The following ETS1 variants were observed in gnomAD, a reference collection of about 807,000 sequenced individuals.
The protein encoded by ETS1 is protein C-ets-1.
A neutral mutation model predicts 58.6 loss-of-function variants in ETS1; 15 were observed. That is an observed-to-expected ratio of 0.26 (90% CI 0.17 to 0.39). The LOEUF is 0.39. ETS1 is among the 10% of genes least tolerant of loss of function. ETS1 has a pLI of 1.00. For synonymous variants in ETS1, 214 were observed against 218.2 expected, an observed-to-expected ratio of 0.98 and a Z score of 0.17; for missense variants, 417 against 610.5, an observed-to-expected ratio of 0.68 and a Z score of 3.34.
intron 2 of ETS1, among the ~76,000 whole-genome samples, chr11:128,557,493 C>G (rs1864331127): frequency 6.6e-6 from 1 of 152,062 alleles, no homozygotes; most frequent in Non-Finnish European, 1.5e-5. Flanking sequence ...GTATGTGAGG[C>G]CTGGTCTTCA....
rs71916257 is a variant in ETS1, at chr11:128,562,965, G to GAA, written c.70-6532_70-6531dup. Reference sequence around the variant, plus strand: ...CCATGCCCCAAAGTCCCCAAAAATTGAAAAAAAAAAAAAAAGAATAGGAGA... The same window carrying GAA: ...CCATGCCCCAAAGTCCCCAAAAATTGAAAAAAAAAAAAAAAAAGAATAGGAGA... On this transcript the variant is annotated intron_variant, in intron 2 of 9. Transcript: ENST00000392668. Among the ~76,000 whole-genome samples the GAA allele has an allele frequency of 1.0e-3, 109 of 107,494 alleles. 1 individual carries two copies. The highest frequency in any genetic ancestry group is 3.0e-3 in the African/African-American group (91 of 30,112). 70.5% of individuals were successfully genotyped at this position (107,494 alleles called of 152,430 possible).
At chr11:128,484,380 G>C (rs907168633) in intron 7 of ETS1, among the ~76,000 whole-genome samples, 1 of 152,112 alleles carries the variant, frequency 6.6e-6, no homozygotes, top group Non-Finnish European at 1.5e-5. Flanking sequence ...CAGGTACCCA[G>C]CTAGGATCTA....
intron 8 of ETS1, among the ~76,000 whole-genome samples, chr11:128,479,982 G>C (rs75615392): frequency 2.0e-5 from 3 of 151,746 alleles, no homozygotes; most frequent in African/African-American, 7.3e-5. Flanking sequence ...CCTTTGAAGA[G>C]AATGATACTA....
At chr11:128,467,277 A>G (rs1862064552) in intron 8 of ETS1, among the ~76,000 whole-genome samples, 1 of 152,158 alleles carries the variant, frequency 6.6e-6, no homozygotes. Flanking sequence ...TTGGAAACCC[A>G]AAGCTTAGAG....
chr11:128,566,039 T>C (rs1466786803), intron 2 of ETS1, among the ~76,000 whole-genome samples: 2 of 152,112 alleles, frequency 1.3e-5, no homozygotes, highest in Non-Finnish European at 2.9e-5. Flanking sequence ...CTGCAATTAC[T>C]CAAGATAAGA....
intron 3 of ETS1, among the ~76,000 whole-genome samples, chr11:128,509,136 A>T (rs559585763): frequency 6.6e-6 from 1 of 152,334 alleles, no homozygotes; most frequent in Non-Finnish European, 1.5e-5. Flanking sequence ...CTTTCATCAG[A>T]TCATCCATTA....
intron 2 of ETS1, among the ~76,000 whole-genome samples, chr11:128,561,777 G>T (rs904906258): frequency 6.6e-6 from 1 of 152,200 alleles, no homozygotes; most frequent in Admixed American, 6.5e-5. Flanking sequence ...TGTTGCCTTT[G>T]GTTGAGTTCA....
intron 3 of ETS1, chr11:128,522,231 G>C: frequency 8.3e-7 from 1 of 1,208,786 alleles, no homozygotes; most frequent in Non-Finnish European, 1.0e-6. Context: ...AGCCTCGCCC[G>C]CGCCGCGCCC....
rs923012834 is a variant in ETS1, at chr11:128,549,090, T to C, written c.214+7201A>G. 6.6e-6 allele frequency among the ~76,000 whole-genome samples: 1 copy of C among 152,200 alleles called. No homozygotes were observed. The highest frequency in any genetic ancestry group is 1.9e-4 in the East Asian group (1 of 5,190). On this transcript the variant is annotated intron_variant, in intron 3 of 9. Transcript: ENST00000392668. The surrounding 1 kb of genome is among the most constrained non-coding windows in gnomAD (Gnocchi z 4.3). ...GCTGCAGGCTCCGGGCTGAGACCCC[T>C]GGCTGCAGTGCAAGAAAGCAACTTA...
intron 3 of ETS1, among the ~76,000 whole-genome samples, chr11:128,508,652 C>T (rs1034824681): frequency 6.6e-6 from 1 of 152,106 alleles, no homozygotes; most frequent in East Asian, 1.9e-4. Context: ...AACTCTGTAT[C>T]GTAAGATCAT....
At chr11:128,476,472 G>A (rs1862326128) in intron 8 of ETS1, among the ~76,000 whole-genome samples, 1 of 152,250 alleles carries the variant, frequency 6.6e-6, no homozygotes, top group African/African-American at 2.4e-5. Context: ...AGCTACCTCT[G>A]TGCAGAATGC....
At chr11:128,477,104 G>A (rs560216125) in intron 8 of ETS1, among the ~76,000 whole-genome samples, 6 of 152,336 alleles carry the variant, frequency 3.9e-5, no homozygotes, top group Admixed American at 1.3e-4. Context: ...TCCTTTGGAC[G>A]TGATAGGGAC....
chr11:128,482,863 A>G (rs1862526506), intron 7 of ETS1, among the ~76,000 whole-genome samples: 1 of 152,204 alleles, frequency 6.6e-6, no homozygotes, highest in Non-Finnish European at 1.5e-5. Flanking sequence ...CACTCAAAAC[A>G]GAAGATGCGG....
intron 2 of ETS1, among the ~76,000 whole-genome samples, chr11:128,566,475 A>T (rs747677152): frequency 2.2e-4 from 34 of 152,264 alleles, no homozygotes; most frequent in Non-Finnish European, 4.0e-4. Context: ...TTTGCCCAAG[A>T]TCAAATAGCT....
At chr11:128,570,231 TCTTTTC>T (rs1229991452) in intron 2 of ETS1, among the ~76,000 whole-genome samples, 1 of 147,816 alleles carries the variant, frequency 6.8e-6, no homozygotes, top group East Asian at 1.9e-4. Flanking sequence ...TCTTTCTTTT[TCTTTTC>T]CTTTTTTTTT....
chr11:128,538,629 A>C (rs1489380267), intron 3 of ETS1, among the ~76,000 whole-genome samples: 1 of 152,242 alleles, frequency 6.6e-6, no homozygotes, highest in Non-Finnish European at 1.5e-5. Context: ...AATAATTCAC[A>C]GAATCTTTGG....
intron 2 of ETS1, among the ~76,000 whole-genome samples, chr11:128,564,062 G>A (rs1864448795): frequency 5.7e-5 from 2 of 35,294 alleles, no homozygotes; most frequent in Middle Eastern, 7.2e-3. Context: ...GAACAGTTTT[G>A]GTCAGAGGTA....
intron 8 of ETS1, among the ~76,000 whole-genome samples, chr11:128,470,112 T>G (rs2135420804): frequency 6.6e-6 from 1 of 152,340 alleles, no homozygotes; most frequent in Admixed American, 6.5e-5. Flanking sequence ...TTGTATTTGT[T>G]GCTGAGATAG....
chr11:128,481,921 T>C (rs2135444712), intron 7 of ETS1, among the ~76,000 whole-genome samples: 1 of 152,260 alleles, frequency 6.6e-6, no homozygotes, highest in East Asian at 1.9e-4. Context: ...TGACCCCCTC[T>C]GGAACTGCTT....
Sources: gnomAD v4.1 joint callset for allele counts (sites outside exome capture counted in the v4.1 genomes callset) on GRCh38, gnomAD v4.1.1 for gene constraint, Gnocchi (gnomAD v3.1) non-coding constraint, MANE v1.5 for transcripts, NCBI Gene and HGNC (gene_info 2026-07-23, HGNC 2026-07-21) for gene names.